The following RBFOX1 variants were observed in gnomAD, a reference collection of about 807,000 sequenced individuals.
RBFOX1 encodes RNA binding fox-1 homolog 1, also known as RNA binding protein fox-1 homolog 1.
RBFOX1 carries 8 observed loss-of-function variants against 57.7 expected under a neutral mutation model. The observed-to-expected ratio is 0.14, with a 90% CI of 0.08 to 0.25. The LOEUF (loss-of-function observed/expected upper bound fraction) is 0.25, where lower values mean the gene tolerates loss of function less well. Ranked by LOEUF, RBFOX1 falls within the 10% of genes least tolerant of loss-of-function variation. RBFOX1 has a pLI of 1.00. For synonymous variants in RBFOX1, 326 were observed against 222.4 expected, an observed-to-expected ratio of 1.47 and a Z score of -4.15; for missense variants, 611 against 548.5, an observed-to-expected ratio of 1.11 and a Z score of -1.14.
At chr16:5,512,136 G>C (rs1267912669) in intron 2 of RBFOX1, among the ~76,000 whole-genome samples, 1 of 152,206 alleles carries the variant, frequency 6.6e-6, no homozygotes, top group East Asian at 1.9e-4. Context: ...CTTCTGCTAA[G>C]TGGTGGAGAT....
chr16:6,619,392 G>A (rs201627580), intron 2 of RBFOX1, among the ~76,000 whole-genome samples: 177 of 152,256 alleles, frequency 1.2e-3, no homozygotes, highest in African/African-American at 3.9e-3. Context: ...CACATAAAAG[G>A]TGGGAGGGCT....
At chr16:6,222,534 T>C (rs2097382010) in intron 1 of RBFOX1, among the ~76,000 whole-genome samples, 1 of 151,854 alleles carries the variant, frequency 6.6e-6, no homozygotes, top group Admixed American at 6.6e-5. Context: ...ATAGCAACCA[T>C]CGGCTTCTAG....
intron 4 of RBFOX1, among the ~76,000 whole-genome samples, chr16:7,096,931 C>CAAAAAA (rs59519427): frequency 1.2e-4 from 8 of 69,104 alleles, no homozygotes; most frequent in African/African-American, 2.9e-4. Flanking sequence ...GACTCCATCT[C>CAAAAAA]AAAAAAAAAA....
chr16:7,228,586 A>T (rs1329160051), intron 4 of RBFOX1, among the ~76,000 whole-genome samples: 2 of 152,350 alleles, frequency 1.3e-5, no homozygotes, highest in East Asian at 3.9e-4. Flanking sequence ...ATGGCCACAC[A>T]GCCGTAAGGG....
intron 1 of RBFOX1, among the ~76,000 whole-genome samples, chr16:6,314,258 G>A (rs946813595): frequency 4.6e-5 from 7 of 152,122 alleles, no homozygotes; most frequent in Non-Finnish European, 1.0e-4. Flanking sequence ...AGTACATAAG[G>A]GGCCGTTTCC....
At chr16:7,337,903 T>C (rs2096823688) in intron 4 of RBFOX1, among the ~76,000 whole-genome samples, 2 of 152,214 alleles carry the variant, frequency 1.3e-5, no homozygotes, top group Admixed American at 1.3e-4. Context: ...TAGGCTCATC[T>C]TGAACTCTTG....
chr16:5,268,934 A>C (rs909345856), intron 1 of RBFOX1, among the ~76,000 whole-genome samples: 1 of 137,374 alleles, frequency 7.3e-6, no homozygotes, highest in Non-Finnish European at 1.6e-5. Context: ...TTTTTTTTTG[A>C]GACGAAGTCT....
intron 3 of RBFOX1, among the ~76,000 whole-genome samples, chr16:7,021,143 T>A (rs1261854699): frequency 6.6e-6 from 1 of 151,992 alleles, no homozygotes; most frequent in Non-Finnish European, 1.5e-5. Flanking sequence ...AATTGTTTTT[T>A]GTTGAATAAA....
At chr16:7,323,224 G>C (rs972572651) in intron 4 of RBFOX1, among the ~76,000 whole-genome samples, 1 of 152,150 alleles carries the variant, frequency 6.6e-6, no homozygotes, top group African/African-American at 2.4e-5. Flanking sequence ...AGGAGTACCA[G>C]ACCCGCCTGG....
intron 3 of RBFOX1, among the ~76,000 whole-genome samples, chr16:6,808,770 G>T (rs188952122): frequency 9.5e-4 from 145 of 152,176 alleles, no homozygotes; most frequent in Non-Finnish European, 1.7e-3. Flanking sequence ...CTGGGTCTGG[G>T]TATTAACTGT....
chr16:5,304,390 C>A (rs1160327915), intron 1 of RBFOX1, among the ~76,000 whole-genome samples: 2 of 152,148 alleles, frequency 1.3e-5, no homozygotes, highest in Non-Finnish European at 2.9e-5. Flanking sequence ...GGTATATGGG[C>A]CTTGGAAGAG....
intron 2 of RBFOX1, among the ~76,000 whole-genome samples, chr16:6,495,337 T>C (rs1316900661): frequency 5.3e-5 from 8 of 152,118 alleles, no homozygotes; most frequent in Admixed American, 5.2e-4. Context: ...CAGGCTGGTC[T>C]CGAACTCCTG....
chr16:6,919,264 A>C (rs923286562), intron 3 of RBFOX1, among the ~76,000 whole-genome samples: 2 of 152,146 alleles, frequency 1.3e-5, no homozygotes, highest in African/African-American at 4.8e-5. Context: ...CTGGGATTAC[A>C]GGTGTGAGCC....
chr16:6,611,718 C>A (rs1021191475), intron 2 of RBFOX1, among the ~76,000 whole-genome samples: 1 of 152,120 alleles, frequency 6.6e-6, no homozygotes, highest in Non-Finnish European at 1.5e-5. Flanking sequence ...ATATTTTCAC[C>A]CAGTAGAGGG....
chr16:6,346,114 T>G (rs1185391038), intron 2 of RBFOX1, among the ~76,000 whole-genome samples: 4 of 152,170 alleles, frequency 2.6e-5, no homozygotes, highest in African/African-American at 9.7e-5. Flanking sequence ...AGGTTGGCCC[T>G]AAGCATTTCC....
In RBFOX1 at chr16:6,957,773, G is replaced by T. The variant is rs539135996; in HGVS notation, c.-15-94284G>T. Among the ~76,000 whole-genome samples the T allele has an allele frequency of 9.2e-5, 14 of 152,256 alleles. 1 individual carries two copies. In the South Asian group the frequency reaches 2.9e-3, roughly 32 times the overall value. ...TGCTCTGGTTCAAACATCTGTGACT[G>T]TTGGGCTGGGATACCTTAGGGAAAG... On this transcript the variant is annotated intron_variant, in intron 3 of 15. Transcript: ENST00000550418.
chr16:5,554,626 C>T (rs1021574107), intron 2 of RBFOX1, among the ~76,000 whole-genome samples: 10 of 152,074 alleles, frequency 6.6e-5, no homozygotes, highest in Non-Finnish European at 1.5e-4. Context: ...TAATGTCTAT[C>T]TTGGGGCCGT....
intron 2 of RBFOX1, among the ~76,000 whole-genome samples, chr16:6,407,849 C>T (rs1175598495): frequency 4.0e-4 from 61 of 152,124 alleles, no homozygotes; most frequent in Non-Finnish European, 4.4e-5. Flanking sequence ...GTGTGGACCC[C>T]AGCCTTTGTG....
intron 4 of RBFOX1, among the ~76,000 whole-genome samples, chr16:7,165,382 C>G (rs1043156719): frequency 1.9e-5 from 1 of 52,422 alleles, no homozygotes; most frequent in Non-Finnish European, 4.2e-5. Flanking sequence ...GATCATAACT[C>G]TTCTGTAATA....
Sources: gnomAD v4.1 joint callset for allele counts (sites outside exome capture counted in the v4.1 genomes callset) on GRCh38, gnomAD v4.1.1 for gene constraint, MANE v1.5 for transcripts, NCBI Gene and HGNC (gene_info 2026-07-23, HGNC 2026-07-21) for gene names.